ZBTB20: variants seen among roughly 807,000 people sequenced by gnomAD.
ZBTB20 encodes zinc finger and BTB domain-containing protein 20.
ZBTB20 carries 9 observed loss-of-function variants against 56.9 expected under a neutral mutation model. The ratio of observed to expected loss-of-function variants is 0.16; its 90% CI spans 0.10 to 0.28. The LOEUF is 0.28. ZBTB20 is among the 10% of genes least tolerant of loss of function. ZBTB20 has a pLI of 1.00. For missense variants in ZBTB20, 655 were observed against 1,003.0 expected (o/e 0.65, Z 4.69); for synonymous variants, 417 against 420.7 (o/e 0.99, Z 0.11).
At chr3:114,912,525 T>C (rs2075582634) in intron 3 of ZBTB20, among the ~76,000 whole-genome samples, 1 of 151,984 alleles carries the variant, frequency 6.6e-6, no homozygotes, top group Non-Finnish European at 1.5e-5. Flanking sequence ...GATATTTTGA[T>C]ATAGGCACAT....
chr3:114,560,300 CTT>C (rs1459224978), intron 6 of ZBTB20, among the ~76,000 whole-genome samples: 1 of 152,172 alleles, frequency 6.6e-6, no homozygotes, highest in Non-Finnish European at 1.5e-5. Context: ...TAAGGTTTCT[CTT>C]GAGTCTGTTA....
At position 114,858,470 on chromosome 3, in the gene ZBTB20, C is replaced by T. The variant is rs118103445; in HGVS notation, c.-417+41834G>A. ...AAAGCTTGTCCATTTTACATTTTCT[C>T]TTTACATAGTGCAATAAAAAGGAAG... On this transcript the variant is annotated intron_variant, in intron 4 of 11. Coordinates refer to ENST00000675478, the MANE Select transcript of ZBTB20 (RefSeq NM_001348800.3). 5.7e-4 allele frequency among the ~76,000 whole-genome samples: 86 copies of T among 152,136 alleles called. 2 individuals carry two copies. In the East Asian group the frequency reaches 0.011, roughly 19 times the overall value.
intron 6 of ZBTB20, among the ~76,000 whole-genome samples, chr3:114,588,047 C>G (rs2055364542): frequency 6.6e-6 from 1 of 152,146 alleles, no homozygotes; most frequent in South Asian, 2.1e-4. Flanking sequence ...CAATTCCTTT[C>G]TCTCTCTTCA....
At chr3:114,492,915 C>T (rs1328135953) in intron 7 of ZBTB20, among the ~76,000 whole-genome samples, 1 of 152,126 alleles carries the variant, frequency 6.6e-6, no homozygotes, top group Non-Finnish European at 1.5e-5. Flanking sequence ...ATATTTAGTT[C>T]TGAGCAATTT....
intron 6 of ZBTB20, among the ~76,000 whole-genome samples, chr3:114,565,111 T>G (rs563057605): frequency 1.3e-5 from 2 of 152,192 alleles, no homozygotes; most frequent in South Asian, 4.1e-4. Context: ...ATCTTTATGC[T>G]GATAACACTA....
intron 6 of ZBTB20, among the ~76,000 whole-genome samples, chr3:114,567,999 G>C (rs79574634): frequency 0.021 from 3,137 of 152,326 alleles, 106 homozygotes; most frequent in African/African-American, 0.071. Context: ...TGCTACTGCA[G>C]GGTGCAGCAG....
intron 6 of ZBTB20, among the ~76,000 whole-genome samples, chr3:114,615,177 T>G (rs1021143492): frequency 2.0e-5 from 3 of 152,222 alleles, no homozygotes; most frequent in Non-Finnish European, 4.4e-5. Context: ...CCTATTGGTT[T>G]CCTGGAGTCA....
chr3:115,068,148 A>C (rs2082274734), intron 2 of ZBTB20, among the ~76,000 whole-genome samples: 1 of 152,010 alleles, frequency 6.6e-6, no homozygotes, highest in Non-Finnish European at 1.5e-5. Flanking sequence ...GTTTAACAGA[A>C]GAGTATGATG....
At chr3:114,726,284 T>C (rs1315380123) in intron 5 of ZBTB20, among the ~76,000 whole-genome samples, 1 of 152,136 alleles carries the variant, frequency 6.6e-6, no homozygotes, top group African/African-American at 2.4e-5. Context: ...GTTTAACGAC[T>C]GTTAAAAAAA....
At chr3:114,533,216 C>A (rs1222079818) in intron 6 of ZBTB20, among the ~76,000 whole-genome samples, 3 of 151,888 alleles carry the variant, frequency 2.0e-5, no homozygotes, top group Non-Finnish European at 4.4e-5. Flanking sequence ...CATGTTCTAA[C>A]CCAATGCAAG....
intron 7 of ZBTB20, among the ~76,000 whole-genome samples, chr3:114,473,572 G>A (rs1044994765): frequency 4.6e-5 from 7 of 152,192 alleles, no homozygotes; most frequent in African/African-American, 1.7e-4. Flanking sequence ...GAATGTGGCT[G>A]TAGTCCTGGT....
chr3:115,047,154 A>G (rs1222703741), intron 2 of ZBTB20, among the ~76,000 whole-genome samples: 2 of 152,222 alleles, frequency 1.3e-5, no homozygotes, highest in African/African-American at 4.8e-5. Flanking sequence ...AATCCTGCGC[A>G]TTACTTGTAA....
chr3:114,712,566 T>C (rs2064161688), intron 5 of ZBTB20, among the ~76,000 whole-genome samples: 2 of 148,620 alleles, frequency 1.3e-5, no homozygotes, highest in Non-Finnish European at 3.0e-5. Context: ...GGCAGGAGAA[T>C]CCCTTGAACC....
intron 1 of ZBTB20, among the ~76,000 whole-genome samples, chr3:115,140,557 G>C (rs1241608679): frequency 1.3e-5 from 2 of 151,838 alleles, no homozygotes; most frequent in African/African-American, 4.8e-5. Flanking sequence ...ATGTGTGTGT[G>C]GTGGTGGTAG....
intron 5 of ZBTB20, among the ~76,000 whole-genome samples, chr3:114,732,135 A>G (rs1350476181): frequency 6.6e-6 from 1 of 152,144 alleles, no homozygotes; most frequent in Non-Finnish European, 1.5e-5. Flanking sequence ...GTTGCTCAGG[A>G]CTAACAGCAA....
intron 2 of ZBTB20, among the ~76,000 whole-genome samples, chr3:114,992,072 A>G (rs1281939884): frequency 2.0e-5 from 3 of 151,360 alleles, no homozygotes; most frequent in African/African-American, 7.3e-5. Flanking sequence ...AAACTTTTCA[A>G]CTTCTCTCTC....
intron 6 of ZBTB20, among the ~76,000 whole-genome samples, chr3:114,641,271 C>T (rs1169126107): frequency 6.6e-6 from 1 of 151,840 alleles, no homozygotes; most frequent in Non-Finnish European, 1.5e-5. Flanking sequence ...TGACACAGAT[C>T]CATGATATTT....
chr3:114,580,195 T>A (rs545383120), intron 6 of ZBTB20, among the ~76,000 whole-genome samples: 2 of 151,778 alleles, frequency 1.3e-5, no homozygotes, highest in Admixed American at 6.6e-5. Flanking sequence ...ATATAAGAAC[T>A]GTTTAATATC....
At chr3:115,129,857 A>G (rs941735755) in intron 1 of ZBTB20, among the ~76,000 whole-genome samples, 1 of 152,194 alleles carries the variant, frequency 6.6e-6, no homozygotes, top group South Asian at 2.1e-4. Flanking sequence ...ACTTTCAGCG[A>G]TTAAATGTAC....
Sources: gnomAD v4.1 joint callset for allele counts (sites outside exome capture counted in the v4.1 genomes callset) on GRCh38, gnomAD v4.1.1 for gene constraint, MANE v1.5 for transcripts, NCBI Gene and HGNC (gene_info 2026-07-23, HGNC 2026-07-21) for gene names.